The following SORCS3 variants were observed in gnomAD, a reference collection of about 807,000 sequenced individuals.
SORCS3 encodes VPS10 domain-containing receptor SorCS3.
In SORCS3, 57 loss-of-function variants were observed where a neutral mutation model predicts 146.3. That is an observed-to-expected ratio of 0.39 (90% confidence interval 0.31 to 0.49). The LOEUF is 0.49. SORCS3 is among the 20% of genes least tolerant of loss of function. The pLI is 0.92. For missense variants in SORCS3, 1,341 were observed against 1,575.5 expected (o/e 0.85, Z 2.52); for synonymous variants, 653 against 618.5 (o/e 1.06, Z -0.83).
chr10:104,960,115 T>C (rs2054785448), intron 3 of SORCS3, among the ~76,000 whole-genome samples: 1 of 152,190 alleles, frequency 6.6e-6, no homozygotes, highest in Admixed American at 6.5e-5. Flanking sequence ...TGTGATACGA[T>C]ACTTACTGGG....
chr10:104,664,932 G>A (rs2015751460), intron 1 of SORCS3: 1 of 152,562 alleles, frequency 6.6e-6, no homozygotes, highest in South Asian at 2.1e-4. Flanking sequence ...AGGGGGCTAT[G>A]GGGATGGGAT....
intron 1 of SORCS3, among the ~76,000 whole-genome samples, chr10:104,811,224 A>T (rs2017737167): frequency 6.6e-6 from 1 of 152,242 alleles, no homozygotes; most frequent in Non-Finnish European, 1.5e-5. Flanking sequence ...CAATACAAAG[A>T]TGAAAAACCT....
chr10:105,015,927 G>A (rs890075645), intron 4 of SORCS3, among the ~76,000 whole-genome samples: 5 of 150,366 alleles, frequency 3.3e-5, no homozygotes, highest in Non-Finnish European at 7.4e-5. Context: ...ATGGGGTTTC[G>A]CCATGTTGGT....
chr10:104,993,339 C>T lies in SORCS3; in HGVS notation c.954+15846C>T, dbSNP rs142013869. Among the ~76,000 whole-genome samples the T allele has an allele frequency of 1.0e-3, 156 of 152,318 alleles. 1 individual carries two copies. Among genetic ancestry groups the T allele is most frequent in the African/African-American group, 3.6e-3 (151 of 41,574 alleles). ...TAGTTGCTTTTCTGACATTTTGCCT[C>T]GTGCCTCCCTTGGCTGCTCTCAGAG... On this transcript the variant is annotated intron_variant, in intron 4 of 26. Transcript: ENST00000369701.
intron 3 of SORCS3, among the ~76,000 whole-genome samples, chr10:104,934,465 G>A (rs1435931146): frequency 7.2e-5 from 11 of 152,174 alleles, no homozygotes; most frequent in Admixed American, 5.9e-4. Flanking sequence ...GTGTCCCTGA[G>A]TGTTGCTTAA....
chr10:105,036,189 T>G (rs1406041600), intron 4 of SORCS3, among the ~76,000 whole-genome samples: 1 of 152,158 alleles, frequency 6.6e-6, no homozygotes, highest in Non-Finnish European at 1.5e-5. Flanking sequence ...CCACAATTTT[T>G]GGGGAAGGAC....
At chr10:104,977,056 T>G (rs1589575684) in intron 3 of SORCS3, among the ~76,000 whole-genome samples, 1 of 151,074 alleles carries the variant, frequency 6.6e-6, no homozygotes, top group Non-Finnish European at 1.5e-5. Context: ...ACTTGAAGTA[T>G]AATAATAAAA....
chr10:104,983,290 T>C (rs1009752400), intron 4 of SORCS3, among the ~76,000 whole-genome samples: 3 of 151,766 alleles, frequency 2.0e-5, no homozygotes, highest in Non-Finnish European at 2.9e-5. Flanking sequence ...GTGTGAACCA[T>C]GCACCGCACC....
chr10:105,206,294 A>G (rs1203083050), intron 16 of SORCS3, among the ~76,000 whole-genome samples: 3 of 152,260 alleles, frequency 2.0e-5, no homozygotes, highest in Non-Finnish European at 4.4e-5. Context: ...AAGCTATCAT[A>G]GTTACATGTG....
intron 3 of SORCS3, among the ~76,000 whole-genome samples, chr10:104,960,255 C>T (rs1381026701): frequency 1.3e-5 from 2 of 152,168 alleles, no homozygotes; most frequent in Non-Finnish European, 2.9e-5. Flanking sequence ...TTGTTTTCCT[C>T]ACGATAACTT....
At chr10:104,867,080 C>T (rs1191513714) in intron 2 of SORCS3, among the ~76,000 whole-genome samples, 2 of 152,146 alleles carry the variant, frequency 1.3e-5, no homozygotes, top group African/African-American at 4.8e-5. Flanking sequence ...TGTCTCTGCT[C>T]TCGTGGAGTG....
At chr10:105,145,131 C>T (rs2056122170) in intron 8 of SORCS3, among the ~76,000 whole-genome samples, 1 of 151,666 alleles carries the variant, frequency 6.6e-6, no homozygotes, top group African/African-American at 2.4e-5. Context: ...ATGTTCTTAG[C>T]ACAAGTCTGC....
At chr10:104,742,188 T>C (rs1051258741) in intron 1 of SORCS3, among the ~76,000 whole-genome samples, 1 of 152,170 alleles carries the variant, frequency 6.6e-6, no homozygotes, top group African/African-American at 2.4e-5. Flanking sequence ...AAGAGGTTCC[T>C]TGCTACTGCT....
At chr10:104,810,793 G>A (rs1481771728) in intron 1 of SORCS3, among the ~76,000 whole-genome samples, 5 of 152,158 alleles carry the variant, frequency 3.3e-5, no homozygotes, top group Admixed American at 3.3e-4. Context: ...AACTATCTGG[G>A]TGGCTATTGT....
chr10:105,211,028 G>T, intron 16 of SORCS3, 109 bp from the exon 17 acceptor site: 1 of 685,896 alleles, frequency 1.5e-6, no homozygotes. Context: ...AAAACAATGT[G>T]TTATGACTTT....
chr10:105,107,629 T>C (rs954890368), intron 7 of SORCS3, among the ~76,000 whole-genome samples: 4 of 152,194 alleles, frequency 2.6e-5, no homozygotes, highest in Non-Finnish European at 5.9e-5. Flanking sequence ...CATTATTCAA[T>C]AAAGTTTTAC....
chr10:104,767,899 A>ATG (rs2017200524), intron 1 of SORCS3, among the ~76,000 whole-genome samples: 1 of 151,264 alleles, frequency 6.6e-6, no homozygotes, highest in Non-Finnish European at 1.5e-5. Context: ...GTAGTATAAA[A>ATG]CATGGTCAAT....
At position 104,869,357 on chromosome 10, in the gene SORCS3, T is replaced by A. The variant is rs183446783; in HGVS notation, c.695+26498T>A. 1.4e-4 allele frequency among the ~76,000 whole-genome samples: 22 copies of A among 152,230 alleles called. No homozygotes were observed. In the East Asian group the frequency reaches 4.1e-3, roughly 28 times the overall value. On this transcript the variant is annotated intron_variant, in intron 2 of 26. Coordinates refer to ENST00000369701, the MANE Select transcript of SORCS3 (RefSeq NM_014978.3). The stretch of plus-strand genomic sequence containing the variant: ...AAGACTAATGTTGAAGATCAAACAG[T>A]CAGGAAGAGAGACAGAATTCAACCT...
Position 104,772,896 on chromosome 10 carries a change from A to G in SORCS3, c.628-69896A>G, listed in dbSNP as rs543083129. On this transcript the variant is annotated intron_variant, in intron 1 of 26. Coordinates refer to ENST00000369701, the MANE Select transcript of SORCS3 (RefSeq NM_014978.3). Reference sequence around the variant, plus strand: ...GGCACATGAGTCAAGGGAGATGCCAAGGACACAGAGATGAACTAGACCTGA... The same window carrying G: ...GGCACATGAGTCAAGGGAGATGCCAGGGACACAGAGATGAACTAGACCTGA... 8.9e-4 allele frequency among the ~76,000 whole-genome samples: 135 copies of G among 152,356 alleles called. 7 individuals carry two copies. In the South Asian group the frequency reaches 0.028, roughly 31 times the overall value.
Sources: allele counts gnomAD v4.1 joint callset (sites outside exome capture counted in the v4.1 genomes callset), GRCh38; gene constraint gnomAD v4.1.1; transcripts MANE v1.5; gene names NCBI Gene and HGNC (gene_info 2026-07-23, HGNC 2026-07-21).